ASAP1: variants seen among roughly 807,000 people sequenced by gnomAD.
ASAP1 encodes ArfGAP with SH3 domain, ankyrin repeat and PH domain 1.
In ASAP1, 43 loss-of-function variants were observed where a neutral mutation model predicts 145.2. The observed-to-expected ratio is 0.30, with a 90% CI of 0.23 to 0.38. The LOEUF (loss-of-function observed/expected upper bound fraction) is 0.38, where lower values mean the gene tolerates loss of function less well. ASAP1 is among the 10% of genes least tolerant of loss of function. The pLI, the probability that ASAP1 is intolerant of heterozygous loss-of-function variation, is 1.00. For missense variants in ASAP1, 1,018 were observed against 1,355.3 expected (o/e 0.75, Z 3.91); for synonymous variants, 546 against 515.5 (o/e 1.06, Z -0.80).
intron 3 of ASAP1, among the ~76,000 whole-genome samples, chr8:130,285,221 C>T (rs964563439): frequency 2.6e-5 from 4 of 152,016 alleles, no homozygotes; most frequent in Non-Finnish European, 5.9e-5. Context: ...TTAAGATATA[C>T]CAGTAATGAC....
At position 130,293,741 on chromosome 8, in the gene ASAP1, A is replaced by G. The variant is rs576878741; in HGVS notation, c.187-56747T>C. Among the ~76,000 whole-genome samples, 104 of 152,336 alleles carry G rather than the reference A, an allele frequency of 6.8e-4. 1 individual carries two copies. Among genetic ancestry groups the G allele is most frequent in the Non-Finnish European group, 1.3e-3 (87 of 68,036 alleles). ...AAATGACCATCTATCTCATGAGGCT[A>G]CAAATGTTTCTTGTGTGAAGGACCC... On this transcript the variant is annotated intron_variant, in intron 3 of 29. Transcript: ENST00000518721.
At chr8:130,076,774 C>G (rs969278723) in intron 26 of ASAP1, among the ~76,000 whole-genome samples, 13 of 152,236 alleles carry the variant, frequency 8.5e-5, no homozygotes, top group African/African-American at 2.4e-4. Context: ...CCCACCTCAG[C>G]CTTCCAAAGT....
intron 5 of ASAP1, among the ~76,000 whole-genome samples, chr8:130,202,884 T>C (rs145400912): frequency 1.3e-3 from 201 of 152,316 alleles, no homozygotes; most frequent in African/African-American, 4.7e-3. Context: ...GATCCACTCA[T>C]TTTTACTGAA....
chr8:130,223,945 A>G (rs1817443725), intron 4 of ASAP1, among the ~76,000 whole-genome samples: 1 of 152,198 alleles, frequency 6.6e-6, no homozygotes, highest in Non-Finnish European at 1.5e-5. Flanking sequence ...CATAAAACCT[A>G]TCCAAAGTTC....
intron 2 of ASAP1, among the ~76,000 whole-genome samples, chr8:130,365,876 GGAGA>G (rs1285685676): frequency 6.6e-6 from 1 of 152,172 alleles, no homozygotes; most frequent in East Asian, 1.9e-4. Context: ...GAGGAGAAAT[GGAGA>G]GATCCAGAAG....
intron 5 of ASAP1, among the ~76,000 whole-genome samples, chr8:130,193,844 C>A (rs1815304326): frequency 6.6e-6 from 1 of 152,212 alleles, no homozygotes; most frequent in Non-Finnish European, 1.5e-5. Flanking sequence ...ACACCAAACA[C>A]AAACAGTAAA....
At chr8:130,344,386 T>C (rs1001196255) in intron 3 of ASAP1, among the ~76,000 whole-genome samples, 7 of 152,336 alleles carry the variant, frequency 4.6e-5, no homozygotes, top group Admixed American at 6.5e-5. Context: ...AGGTTTATTT[T>C]TTTCAAGTCC....
chr8:130,315,367 C>T (rs1234657357), intron 3 of ASAP1, among the ~76,000 whole-genome samples: 1 of 151,914 alleles, frequency 6.6e-6, no homozygotes, highest in Non-Finnish European at 1.5e-5. Context: ...GAGTTGAGAT[C>T]CAGAAAGAGA....
chr8:130,376,210 G>C (rs945991806), intron 2 of ASAP1, among the ~76,000 whole-genome samples: 6 of 152,210 alleles, frequency 3.9e-5, no homozygotes, highest in Non-Finnish European at 8.8e-5. Context: ...AAGGCGTGGA[G>C]ATGTGGTCAC....
chr8:130,105,827 A>C (rs1734803979), intron 24 of ASAP1, among the ~76,000 whole-genome samples: 1 of 152,204 alleles, frequency 6.6e-6, no homozygotes, highest in South Asian at 2.1e-4. Context: ...GATATGTGCC[A>C]CATTGCTCTG....
chr8:130,411,079 C>T (rs1829246581), intron 1 of ASAP1, among the ~76,000 whole-genome samples: 3 of 152,192 alleles, frequency 2.0e-5, no homozygotes, highest in Admixed American at 6.5e-5. Context: ...CCAGGCTGGT[C>T]TCGAACTCCT....
intron 1 of ASAP1, among the ~76,000 whole-genome samples, chr8:130,442,770 G>A (rs1830529839): frequency 6.6e-6 from 1 of 152,044 alleles, no homozygotes; most frequent in South Asian, 2.1e-4. Context: ...TGAACCTCTT[G>A]GGATGTATCA....
intron 10 of ASAP1, among the ~76,000 whole-genome samples, chr8:130,168,320 A>G (rs1565043053): frequency 6.6e-6 from 1 of 152,200 alleles, no homozygotes; most frequent in African/African-American, 2.4e-5. Flanking sequence ...ATAATATAAA[A>G]CATGCAAAAA....
chr8:130,383,631 G>A lies in ASAP1; in HGVS notation c.59+18254C>T, dbSNP rs113628778. ...CGAGGGTCACAGGGATTCGTGGCTT[G>A]TCCAAGGCCACACAGCAGGGAGATG... On this transcript the variant is annotated intron_variant, in intron 2 of 29. Transcript: ENST00000518721. Among the ~76,000 whole-genome samples, 239 of 152,314 alleles carry A rather than the reference G, an allele frequency of 1.6e-3. 1 individual carries two copies. The Middle Eastern group carries it at 0.02, about 13-fold the overall frequency.
At chr8:130,355,284 T>C (rs1235797892) in intron 3 of ASAP1, among the ~76,000 whole-genome samples, 5 of 152,156 alleles carry the variant, frequency 3.3e-5, no homozygotes, top group East Asian at 1.9e-4. Flanking sequence ...CAAGGAGACA[T>C]AGTAAAAGAA....
chr8:130,413,622 G>A (rs1451913410), intron 1 of ASAP1, among the ~76,000 whole-genome samples: 1 of 152,166 alleles, frequency 6.6e-6, no homozygotes, highest in Non-Finnish European at 1.5e-5. Context: ...TTTGAAAAAT[G>A]AGGAGCCTGA....
intron 23 of ASAP1, 146 bp from the exon 24 acceptor site, chr8:130,112,468 T>G: frequency 1.6e-6 from 1 of 623,800 alleles, no homozygotes; most frequent in Non-Finnish European, 2.8e-6. Flanking sequence ...AGCCTCATGA[T>G]GCTGACACAG....
Position 130,063,379 on chromosome 8 carries a change from GC to G in ASAP1, c.2702-2311del, listed in dbSNP as rs538699724. Among the ~76,000 whole-genome samples, 54 of 152,266 alleles carry G rather than the reference GC, an allele frequency of 3.5e-4. No homozygotes were observed. The South Asian group carries it at 6.0e-3, about 17-fold the overall frequency. On this transcript the variant is annotated intron_variant, in intron 27 of 29. Transcript: ENST00000518721. The stretch of plus-strand genomic sequence containing the variant: ...TTTTAGTAGAGACGTGCAGGGCCAT[GC>G]TGTCCCCAGCTTCAGGTATTTAGAC...
At chr8:130,130,070 G>A (rs1049660484) in intron 15 of ASAP1, among the ~76,000 whole-genome samples, 1 of 152,134 alleles carries the variant, frequency 6.6e-6, no homozygotes, top group African/African-American at 2.4e-5. Context: ...AGGCATTCTA[G>A]CATTTGGCTA....
Sources: allele counts gnomAD v4.1 joint callset (sites outside exome capture counted in the v4.1 genomes callset), GRCh38; gene constraint gnomAD v4.1.1; transcripts MANE v1.5; gene names NCBI Gene and HGNC (gene_info 2026-07-23, HGNC 2026-07-21).